The following DPP6 variants were observed in gnomAD, a reference collection of about 807,000 sequenced individuals.
The protein encoded by DPP6 is A-type potassium channel modulatory protein DPP6.
A neutral mutation model predicts 122.6 loss-of-function variants in DPP6; 69 were observed. The ratio of observed to expected loss-of-function variants is 0.56; its 90% CI spans 0.46 to 0.69. The LOEUF is 0.69. Among genes scored for constraint, DPP6 ranks in the 30% least tolerant of loss-of-function variants. The pLI, the probability that DPP6 is intolerant of heterozygous loss-of-function variation, is 0.00. For synonymous variants in DPP6, 418 were observed against 433.1 expected, an observed-to-expected ratio of 0.97 and a Z score of 0.43; for missense variants, 928 against 1,116.9, an observed-to-expected ratio of 0.83 and a Z score of 2.41.
chr7:154,305,317 G>T, intron 1 of DPP6: 1 of 1,362,258 alleles, frequency 7.3e-7, no homozygotes, highest in Non-Finnish European at 9.5e-7. Context: ...TGCATTTAAA[G>T]AGCAAACTCG....
chr7:154,293,400 G>A (rs1279811964), intron 1 of DPP6, among the ~76,000 whole-genome samples: 1 of 152,148 alleles, frequency 6.6e-6, no homozygotes, highest in African/African-American at 2.4e-5. Context: ...TCTTTGTTCC[G>A]ATGCTTGTAA....
the DPP6 span, among the ~76,000 whole-genome samples, chr7:153,786,469 G>C: frequency 6.6e-6 from 1 of 151,594 alleles, no homozygotes; most frequent in East Asian, 1.9e-4. Context: ...GCCGGGCACA[G>C]TGGCTCACGC....
At chr7:154,064,349 G>A (rs186450486) in intron 1 of DPP6, among the ~76,000 whole-genome samples, 8 of 152,258 alleles carry the variant, frequency 5.3e-5, no homozygotes, top group Non-Finnish European at 7.3e-5. Context: ...GCTGGGCAGC[G>A]TCAAGTGCCT....
chr7:154,710,130 C>T (rs544756511), intron 7 of DPP6, among the ~76,000 whole-genome samples: 1 of 152,308 alleles, frequency 6.6e-6, no homozygotes, highest in Non-Finnish European at 1.5e-5. Context: ...TGCCAGATGA[C>T]AGCTTGGTGC....
chr7:154,207,007 C>G (rs1027585264), intron 1 of DPP6, among the ~76,000 whole-genome samples: 3 of 152,210 alleles, frequency 2.0e-5, no homozygotes, highest in Non-Finnish European at 4.4e-5. Context: ...TACCGAAGTG[C>G]TGCTGTGCTC....
chr7:154,323,629 G>A lies in DPP6; in HGVS notation c.244-122585G>A, dbSNP rs373841931. Among the ~76,000 whole-genome samples the A allele has an allele frequency of 6.8e-4, 104 of 152,278 alleles. 2 individuals are homozygous for A. The South Asian group carries it at 0.019, about 28-fold the overall frequency. ...TGGATGGAATCATCTTTCTTGAGAG[G>A]AGAACTCCAGGAATAATATTACACT... On this transcript the variant is annotated intron_variant, in intron 1 of 25. Transcript: ENST00000377770.
At position 154,101,584 on chromosome 7, in the gene DPP6, CA is replaced by C. The variant is rs1805727224; in HGVS notation, c.243+48528del. 2.6e-5 allele frequency among the ~76,000 whole-genome samples: 4 copies of C among 151,612 alleles called. No individual in the cohort carries two copies. The South Asian group carries it at 6.2e-4, about 24-fold the overall frequency. On this transcript the variant is annotated intron_variant, in intron 1 of 25. Coordinates refer to ENST00000377770, the MANE Select transcript of DPP6 (RefSeq NM_130797.4). ...TTGTCACAGGCAAGAAATATGCAGG[CA>C]AAAAAATCCTTTACATTCTGTAACT...
intron 1 of DPP6, among the ~76,000 whole-genome samples, chr7:153,942,738 G>A (rs1298857253): frequency 1.3e-5 from 2 of 152,298 alleles, no homozygotes; most frequent in African/African-American, 2.4e-5. Flanking sequence ...GGCTGCTCAC[G>A]AGGCCGCCCC....
intron 1 of DPP6, among the ~76,000 whole-genome samples, chr7:154,217,140 A>G (rs978595760): frequency 2.6e-5 from 4 of 152,078 alleles, no homozygotes; most frequent in Non-Finnish European, 5.9e-5. Flanking sequence ...ACAGCACTCA[A>G]ATTTTTTTTT....
intron 1 of DPP6, among the ~76,000 whole-genome samples, chr7:154,192,918 G>A (rs78642857): frequency 0.023 from 3,580 of 152,344 alleles, 89 homozygotes; most frequent in South Asian, 0.055. Context: ...TCCAGAGCTA[G>A]TGAGCTGATG....
At chr7:154,480,679 T>G (rs1195525668) in intron 3 of DPP6, among the ~76,000 whole-genome samples, 4 of 152,174 alleles carry the variant, frequency 2.6e-5, no homozygotes, top group African/African-American at 9.7e-5. Flanking sequence ...CTCCATTTAC[T>G]GATGATTCCT....
intron 1 of DPP6, among the ~76,000 whole-genome samples, chr7:154,318,408 A>C (rs1807624205): frequency 6.6e-6 from 1 of 152,206 alleles, no homozygotes; most frequent in Admixed American, 6.5e-5. Context: ...GGAAAAAGTT[A>C]TTAAGCCACA....
intron 1 of DPP6, among the ~76,000 whole-genome samples, chr7:153,941,954 TG>T (rs1222925139): frequency 1.3e-5 from 2 of 152,036 alleles, no homozygotes; most frequent in Non-Finnish European, 2.9e-5. Flanking sequence ...TACCTGTGGC[TG>T]GGAAAAAAAA....
intron 8 of DPP6, among the ~76,000 whole-genome samples, chr7:154,731,137 G>A (rs755725219): frequency 2.0e-5 from 3 of 151,814 alleles, no homozygotes; most frequent in Admixed American, 6.6e-5. Context: ...TTTGATGATC[G>A]CTTTTGCCTA....
At chr7:154,269,571 A>G (rs1214582786) in intron 1 of DPP6, among the ~76,000 whole-genome samples, 2 of 152,166 alleles carry the variant, frequency 1.3e-5, no homozygotes, top group African/African-American at 4.8e-5. Context: ...GTATTTGACA[A>G]TTGATTTGCT....
At position 154,807,105 on chromosome 7, in the gene DPP6, G is replaced by A; in HGVS notation, c.1659G>A (p.Lys553=). ...FSHSMDFFLL[K]CEGPGVPMVT... is the part of the protein sequence containing the mutation. ...ATAGCATGGACTTCTTCCTGCTCAAGTGCGAAGGTCAGCTCCTGCCACCCC... is the reference window on the plus strand; with the variant it reads ...ATAGCATGGACTTCTTCCTGCTCAAATGCGAAGGTCAGCTCCTGCCACCCC... Residue 553 remains lysine, a synonymous_variant, in exon 16 of 26, where the codon AAG becomes AAA. Transcript: ENST00000377770. The A allele has an allele frequency of 6.2e-7, 1 of 1,612,962 alleles. No homozygotes were observed. Among genetic ancestry groups the A allele is most frequent in the Non-Finnish European group, 8.5e-7 (1 of 1,179,812 alleles).
intron 1 of DPP6, among the ~76,000 whole-genome samples, chr7:154,198,708 T>C (rs1334971892): frequency 6.6e-6 from 1 of 152,234 alleles, no homozygotes; most frequent in Non-Finnish European, 1.5e-5. Flanking sequence ...AGGTTACAGA[T>C]TTCAACTGGA....
intron 1 of DPP6, among the ~76,000 whole-genome samples, chr7:154,260,408 C>T (rs1048026781): frequency 4.6e-5 from 7 of 152,060 alleles, no homozygotes; most frequent in Admixed American, 1.3e-4. Flanking sequence ...GCAGTATACA[C>T]TGCACTCAAT....
At chr7:154,144,202 G>T (rs1235245073) in intron 1 of DPP6, among the ~76,000 whole-genome samples, 3 of 151,808 alleles carry the variant, frequency 2.0e-5, no homozygotes, top group African/African-American at 7.3e-5. Flanking sequence ...TGTTCATTTA[G>T]CCCTGGTATT....
Sources: allele counts gnomAD v4.1 joint callset (sites outside exome capture counted in the v4.1 genomes callset), GRCh38; gene constraint gnomAD v4.1.1; transcripts MANE v1.5; gene names NCBI Gene and HGNC (gene_info 2026-07-23, HGNC 2026-07-21).